Variants in EIF2AK2 observed in about 807,000 individuals in gnomAD.
The protein encoded by EIF2AK2 is interferon-induced, double-stranded RNA-activated protein kinase.
EIF2AK2 carries 40 observed loss-of-function variants against 70.5 expected under a neutral mutation model. The observed-to-expected ratio is 0.57, with a 90% CI of 0.44 to 0.74. EIF2AK2 has a LOEUF of 0.74. EIF2AK2 is among the 30% of genes least tolerant of loss of function. The pLI is 0.00. For missense variants in EIF2AK2, 555 were observed against 644.3 expected, an observed-to-expected ratio of 0.86 and a Z score of 1.50; for synonymous variants, 198 against 220.9, an observed-to-expected ratio of 0.90 and a Z score of 0.92.
intron 1 of EIF2AK2, among the ~76,000 whole-genome samples, chr2:37,154,877 T>C (rs977081086): frequency 5.3e-5 from 8 of 152,066 alleles, no homozygotes; most frequent in African/African-American, 1.9e-4. Context: ...TTTCTTCTGT[T>C]CTGACAAGCT....
intron 4 of EIF2AK2, among the ~76,000 whole-genome samples, chr2:37,145,845 CGGGT>C (rs1675519293): frequency 7.5e-6 from 1 of 133,604 alleles, no homozygotes; most frequent in Non-Finnish European, 1.5e-5. Context: ...CTCCTTCTCC[CGGGT>C]TCAAGCAATT....
At chr2:37,138,249 G>A (rs1295387519) in intron 8 of EIF2AK2, 21 bp downstream of exon 8, 1 of 1,548,034 alleles carries the variant, frequency 6.5e-7, no homozygotes, top group East Asian at 2.3e-5. Context: ...TAAGTAGGAA[G>A]CTTCGAGACT....
rs554628918 is a variant in EIF2AK2, at chr2:37,138,450, C to G, written c.593+59G>C. On this transcript the variant is annotated intron_variant, in intron 7 of 16. Coordinates refer to ENST00000233057, the MANE Select transcript of EIF2AK2 (RefSeq NM_001135651.3). Reference sequence around the variant, plus strand: ...CTAAATTCTCCTTAAACATAAAAATCTGTCTTTCAGACAGAAATATGAATA... The same window carrying G: ...CTAAATTCTCCTTAAACATAAAAATGTGTCTTTCAGACAGAAATATGAATA... 9 of 1,603,310 alleles carry G rather than the reference C, an allele frequency of 5.6e-6. No individual in the cohort carries two copies. The African/African-American group carries it at 1.2e-4, about 22-fold the overall frequency.
chr2:37,124,187 C>T (rs564446443), intron 11 of EIF2AK2, among the ~76,000 whole-genome samples: 5 of 152,098 alleles, frequency 3.3e-5, no homozygotes, highest in South Asian at 4.2e-4. Flanking sequence ...AGGTTGGTCT[C>T]GCACTCCTGA....
At chr2:37,114,690 TAAAAG>T (rs1446060081) in intron 14 of EIF2AK2, 36 bp downstream of exon 14, 4 of 1,468,486 alleles carry the variant, frequency 2.7e-6, no homozygotes, top group Non-Finnish European at 3.6e-6. Flanking sequence ...ATTTTCAAAA[TAAAAG>T]AAGTAAAATA....
Position 37,146,844 on chromosome 2 carries a change from ATCAC to A in EIF2AK2, c.240+5_240+8del. On this transcript the variant is annotated splice_donor_5th_base_variant and intron_variant, in intron 4 of 16. Coordinates refer to ENST00000233057, the MANE Select transcript of EIF2AK2 (RefSeq NM_001135651.3). The stretch of plus-strand genomic sequence containing the variant: ...TTCCCATTTATTAGGAAAAAAGGCA[ATCAC>A]TCACCTTCTTTTCCTTATTAAGTAT... 1 of 1,605,178 alleles carries A rather than the reference ATCAC, an allele frequency of 6.2e-7. No individual in the cohort carries two copies. The highest frequency in any genetic ancestry group is 1.7e-5 in the Admixed American group (1 of 57,336).
chr2:37,155,005 C>T (rs1226258341), intron 1 of EIF2AK2, among the ~76,000 whole-genome samples: 1 of 151,894 alleles, frequency 6.6e-6, no homozygotes. Flanking sequence ...CATCACTGGG[C>T]CCGGTCCTTA....
At chr2:37,125,978 G>A (rs1320872784) in intron 11 of EIF2AK2, among the ~76,000 whole-genome samples, 3 of 152,142 alleles carry the variant, frequency 2.0e-5, no homozygotes, top group Non-Finnish European at 4.4e-5. Context: ...GGTTCTATCT[G>A]GTGCCACGGT....
At chr2:37,127,874 C>T (rs548239693) in intron 10 of EIF2AK2, among the ~76,000 whole-genome samples, 2 of 152,112 alleles carry the variant, frequency 1.3e-5, no homozygotes, top group East Asian at 3.9e-4. Flanking sequence ...TCCAAAGTAG[C>T]TGAGACTACA....
chr2:37,116,373 C>T (rs139703176), intron 13 of EIF2AK2, among the ~76,000 whole-genome samples: 240 of 152,234 alleles, frequency 1.6e-3, no homozygotes, highest in African/African-American at 4.6e-3. Flanking sequence ...GCCACCACAC[C>T]CAGCTCTACT....
intron 4 of EIF2AK2, among the ~76,000 whole-genome samples, chr2:37,142,105 G>C (rs115433589): frequency 0.029 from 4,378 of 149,814 alleles, 80 homozygotes; most frequent in Non-Finnish European, 0.033. Context: ...TTCTTAGTCC[G>C]ACAAAAATCT....
At chr2:37,121,195 A>G (rs936640618) in intron 12 of EIF2AK2, among the ~76,000 whole-genome samples, 7 of 135,982 alleles carry the variant, frequency 5.1e-5, no homozygotes, top group South Asian at 5.3e-4. Flanking sequence ...TCCGGGAGGC[A>G]GAGCTTGCAG....
At chr2:37,141,788 T>C in intron 4 of EIF2AK2, 87 bp from the exon 5 acceptor site, 1 of 1,340,518 alleles carries the variant, frequency 7.5e-7, no homozygotes, top group Non-Finnish European at 9.9e-7. Flanking sequence ...AATTACTAAA[T>C]GAGCAATTTG....
At position 37,138,323 on chromosome 2, in the gene EIF2AK2, T is replaced by C. The variant is rs754063096; in HGVS notation, c.634A>G (p.Thr212Ala). ...TCACTGTTAGAATTTATCTCTGATG[T>C]ATCTGCTGAGAAGTCACCTTCAGAT... ...SSSEGDFSAD[T>A]SEINSNSDSL... The change falls in exon 8 of 17, where the codon ACA (threonine) becomes GCA (alanine). Residue 212 changes from threonine to alanine, a missense_variant. Physicochemically the swap from Thr to Ala is moderately conservative, Grantham distance 58. Transcript: ENST00000233057. 1 of 1,614,020 alleles carries C rather than the reference T, an allele frequency of 6.2e-7. No individual in the cohort carries two copies. The highest frequency in any genetic ancestry group is 1.7e-5 in the Admixed American group (1 of 60,020).
intron 3 of EIF2AK2, among the ~76,000 whole-genome samples, chr2:37,147,218 G>A (rs1014781832): frequency 7.2e-5 from 11 of 152,124 alleles, no homozygotes; most frequent in African/African-American, 2.4e-4. Context: ...TATGCCAAGA[G>A]CACTCTCACA....
intron 2 of EIF2AK2, 126 bp downstream of exon 2, chr2:37,148,731 A>G: frequency 1.2e-6 from 1 of 834,708 alleles, no homozygotes; most frequent in South Asian, 1.3e-5. Context: ...GACAGATTTG[A>G]GGATTTACAG....
intron 10 of EIF2AK2, among the ~76,000 whole-genome samples, chr2:37,131,305 C>T (rs1313437046): frequency 1.3e-5 from 2 of 152,198 alleles, no homozygotes; most frequent in African/African-American, 4.8e-5. Flanking sequence ...TAGCCCAATC[C>T]ATGGGAGATT....
chr2:37,144,254 GCA>G (rs1397315397), intron 4 of EIF2AK2, among the ~76,000 whole-genome samples: 1 of 151,402 alleles, frequency 6.6e-6, no homozygotes. Flanking sequence ...AAAAAGTCTA[GCA>G]CACACAATTA....
chr2:37,136,900 ATACTC>A (rs1675145700), intron 9 of EIF2AK2, 78 bp downstream of exon 9: 25 of 1,323,580 alleles, frequency 1.9e-5, no homozygotes, highest in Admixed American at 7.5e-5. Flanking sequence ...AGGGTGTACA[ATACTC>A]TACAAGTATT....
Sources: gnomAD v4.1 joint callset for allele counts (sites outside exome capture counted in the v4.1 genomes callset) on GRCh38, gnomAD v4.1.1 for gene constraint, MANE v1.5 for transcripts, NCBI Gene and HGNC (gene_info 2026-07-23, HGNC 2026-07-21) for gene names.